OPALIN: variants seen among roughly 807,000 people sequenced by gnomAD.
OPALIN encodes oligodendrocytic myelin paranodal and inner loop protein.
OPALIN carries 15 observed loss-of-function variants against 17.8 expected under a neutral mutation model. The observed-to-expected ratio is 0.84, with a 90% CI of 0.56 to 1.29. OPALIN has a LOEUF of 1.29. Among genes scored for constraint, OPALIN ranks in the 50% most tolerant of loss-of-function variants. The probability of loss-of-function intolerance (pLI) is 0.00; values close to 1 mark genes in which losing one functional copy is unlikely to be tolerated. For missense variants in OPALIN, 170 were observed against 176.0 expected, an observed-to-expected ratio of 0.97 and a Z score of 0.19; for synonymous variants, 62 against 63.8, an observed-to-expected ratio of 0.97 and a Z score of 0.14.
chr10:96,349,956 G>A, intron 3 of OPALIN, 130 bp from the exon 4 acceptor site: 2 of 1,012,358 alleles, frequency 2.0e-6, no homozygotes, highest in Non-Finnish European at 2.8e-6. Context: ...AAATCAAAAG[G>A]GTAATGAAAT....
intron 5 of OPALIN, among the ~76,000 whole-genome samples, 197 bp downstream of exon 5, chr10:96,348,092 G>A (rs1326935931): frequency 6.6e-6 from 1 of 152,146 alleles, no homozygotes; most frequent in African/African-American, 2.4e-5. Flanking sequence ...TAAATTGATT[G>A]TCTAATATTA....
intron 2 of OPALIN, among the ~76,000 whole-genome samples, chr10:96,352,477 A>C (rs906153384): frequency 1.3e-5 from 2 of 152,202 alleles, no homozygotes; most frequent in East Asian, 3.9e-4. Flanking sequence ...CCATCAAAAG[A>C]AGGTTTTGAT....
intron 1 of OPALIN, among the ~76,000 whole-genome samples, chr10:96,358,294 T>C (rs1033513537): frequency 4.0e-5 from 6 of 150,350 alleles, no homozygotes; most frequent in Non-Finnish European, 8.9e-5. Context: ...GTTCTCCAGG[T>C]CCAAATAGGA....
chr10:96,349,355 C>A (rs1306351479), intron 4 of OPALIN, among the ~76,000 whole-genome samples: 1 of 152,190 alleles, frequency 6.6e-6, no homozygotes, highest in Non-Finnish European at 1.5e-5. Flanking sequence ...TATCTCCATC[C>A]TTTCTTTGTG....
chr10:96,349,579 A>C (rs1217724017), intron 4 of OPALIN, 128 bp downstream of exon 4: 1 of 1,076,014 alleles, frequency 9.3e-7, no homozygotes, highest in Admixed American at 2.6e-5. Context: ...ATGGCCCAGA[A>C]ACTTCCAGCA....
intron 2 of OPALIN, among the ~76,000 whole-genome samples, chr10:96,354,548 A>T (rs1254425791): frequency 6.6e-6 from 1 of 152,184 alleles, no homozygotes; most frequent in Non-Finnish European, 1.5e-5. Flanking sequence ...GGTTATAAAG[A>T]CTAGTGGAAA....
intron 5 of OPALIN, among the ~76,000 whole-genome samples, chr10:96,346,398 T>C (rs1478776949): frequency 6.6e-6 from 1 of 152,254 alleles, no homozygotes; most frequent in Non-Finnish European, 1.5e-5. Flanking sequence ...ACAAAGTTTC[T>C]CATTTTTTGT....
At chr10:96,353,499 A>C (rs781235813) in intron 2 of OPALIN, 34 of 1,419,094 alleles carry the variant, frequency 2.4e-5, no homozygotes, top group Admixed American at 1.8e-4. Context: ...AAAACAGACA[A>C]CACCAGGCAA....
intron 5 of OPALIN, among the ~76,000 whole-genome samples, chr10:96,347,762 T>C (rs1221977041): frequency 6.6e-6 from 1 of 152,206 alleles, no homozygotes; most frequent in Non-Finnish European, 1.5e-5. Context: ...CGTGAGCCAC[T>C]GCACCGGACC....
intron 2 of OPALIN, among the ~76,000 whole-genome samples, chr10:96,354,922 C>A (rs943425866): frequency 6.7e-6 from 1 of 149,846 alleles, no homozygotes; most frequent in Middle Eastern, 3.4e-3. Context: ...ATGGCAAAAC[C>A]CTGTCTCTAC....
Position 96,355,310 on chromosome 10 carries a change from A to C in OPALIN, c.4-20T>G. 6.2e-7 allele frequency: 1 copy of C among 1,613,142 alleles called. No homozygotes were observed. The highest frequency in any genetic ancestry group is 8.5e-7 in the Non-Finnish European group (1 of 1,179,366). ...AAAACTCTGCAAGATAGAAGTAAAC[A>C]TTAAAGCTCCCAGGGATGGTCAGCA... On this transcript the variant is annotated intron_variant, in intron 1 of 5. Transcript: ENST00000371172.
At chr10:96,346,229 C>G (rs1428532470) in intron 5 of OPALIN, 112 bp from the exon 6 acceptor site, 2 of 872,226 alleles carry the variant, frequency 2.3e-6, no homozygotes, top group Non-Finnish European at 3.7e-6. Context: ...AAATCAGACA[C>G]AACATTTGAA....
chr10:96,347,073 T>G, intron 5 of OPALIN, among the ~76,000 whole-genome samples: 1 of 152,036 alleles, frequency 6.6e-6, no homozygotes, highest in East Asian at 1.9e-4. Flanking sequence ...TTTCTTTCTT[T>G]CTTTCTTCCT....
intron 1 of OPALIN, among the ~76,000 whole-genome samples, chr10:96,356,088 C>T (rs1845807865): frequency 6.6e-6 from 1 of 152,116 alleles, no homozygotes; most frequent in African/African-American, 2.4e-5. Context: ...TCTGACTCAG[C>T]CAGTGAAACT....
At chr10:96,349,477 A>G (rs561592054) in intron 4 of OPALIN, among the ~76,000 whole-genome samples, 33 of 152,320 alleles carry the variant, frequency 2.2e-4, no homozygotes, top group Admixed American at 3.3e-4. Context: ...TACCCCAAAT[A>G]CCATCTTTGT....
chr10:96,353,341 C>A, intron 2 of OPALIN: 3 of 1,579,198 alleles, frequency 1.9e-6, no homozygotes, highest in East Asian at 2.3e-5. Context: ...TCCAGGTGCC[C>A]ACCTCTGTCC....
rs184441129 is a variant in OPALIN, at chr10:96,347,330, G to A, written c.249+959C>T. On this transcript the variant is annotated intron_variant, in intron 5 of 5. Transcript: ENST00000371172. The stretch of plus-strand genomic sequence containing the variant: ...GCTGGTCTAGAACTCCTGACCTCAG[G>A]TGATCCACCTGCCTTGGCCTCCCAA... Among the ~76,000 whole-genome samples the A allele has an allele frequency of 1.6e-3, 245 of 151,098 alleles. 2 individuals are homozygous for A. The highest frequency in any genetic ancestry group is 0.015 in the South Asian group (71 of 4,742).
chr10:96,357,777 T>C (rs1845877012), intron 1 of OPALIN, among the ~76,000 whole-genome samples: 1 of 152,156 alleles, frequency 6.6e-6, no homozygotes, highest in African/African-American at 2.4e-5. Context: ...AAAGTTCTTG[T>C]GGAATGGAAT....
At chr10:96,358,744 G>A in intron 1 of OPALIN, 150 bp downstream of exon 1, 1 of 846,244 alleles carries the variant, frequency 1.2e-6, no homozygotes. Flanking sequence ...AATATTAGGT[G>A]AGAAGTTTAA....
Sources: gnomAD v4.1 joint callset for allele counts (sites outside exome capture counted in the v4.1 genomes callset) on GRCh38, gnomAD v4.1.1 for gene constraint, MANE v1.5 for transcripts, NCBI Gene and HGNC (gene_info 2026-07-23, HGNC 2026-07-21) for gene names.